Variants in ACAP2 observed in about 807,000 individuals in gnomAD.
ACAP2 encodes arf-GAP with coiled-coil, ANK repeat and PH domain-containing protein 2.
A neutral mutation model predicts 115.8 loss-of-function variants in ACAP2; 39 were observed. That is an observed-to-expected ratio of 0.34 (90% confidence interval 0.26 to 0.44). ACAP2 has a LOEUF of 0.44. Among genes scored for constraint, ACAP2 ranks in the 20% least tolerant of loss-of-function variants. The pLI, the probability that ACAP2 is intolerant of heterozygous loss-of-function variation, is 1.00. For missense variants in ACAP2, 662 were observed against 927.6 expected (o/e 0.71, Z 3.72); for synonymous variants, 289 against 315.8 (o/e 0.92, Z 0.90).
intron 10 of ACAP2, among the ~76,000 whole-genome samples, chr3:195,318,686 C>T (rs1273939309): frequency 6.6e-6 from 1 of 152,092 alleles, no homozygotes; most frequent in Non-Finnish European, 1.5e-5. Context: ...GAAAGTGTAC[C>T]ATTATATGCG....
In ACAP2 at chr3:195,306,901, CA is replaced by C. The variant is rs1728460851; in HGVS notation, c.1011-286del. On this transcript the variant is annotated intron_variant, in intron 12 of 22. Coordinates refer to ENST00000326793, the MANE Select transcript of ACAP2 (RefSeq NM_012287.6). ...TTTACCATATAAATATAGAAACACT[CA>C]TTTTTTTTTCTACTGGGTACAAACA... The C allele has an allele frequency of 1.1e-5, 3 of 281,856 alleles. No homozygotes were observed. The South Asian group carries it at 2.3e-4, about 21-fold the overall frequency. The allele number at this position is 281,856 out of a possible 1,614,324, so 17.5% of individuals were successfully genotyped here. A position where few individuals can be genotyped will look rare whatever the true frequency, so the allele number is the denominator to read the frequency against.
intron 11 of ACAP2, among the ~76,000 whole-genome samples, chr3:195,308,501 T>C (rs1006343887): frequency 2.6e-5 from 4 of 152,170 alleles, no homozygotes; most frequent in Non-Finnish European, 5.9e-5. Context: ...GTACAACTAA[T>C]ATATACCATT....
At chr3:195,406,197 C>T (rs1712754564) in intron 1 of ACAP2, among the ~76,000 whole-genome samples, 1 of 152,150 alleles carries the variant, frequency 6.6e-6, no homozygotes. Context: ...GCAATCACAT[C>T]AAGAATCAAG....
intron 9 of ACAP2, chr3:195,326,355 A>G (rs1161929341): frequency 1.3e-5 from 2 of 152,256 alleles, no homozygotes; most frequent in African/African-American, 4.8e-5. Context: ...TCTCATTTTT[A>G]AAAATATTTT....
rs754866221 is a variant in ACAP2, at chr3:195,342,486, G to A, written c.513C>T (p.Leu171=). 3.1e-5 allele frequency: 49 copies of A among 1,604,398 alleles called. 1 individual carries two copies. The Middle Eastern group carries it at 6.6e-4, about 22-fold the overall frequency. ...ATRKCFRHIA[L]DYVLQINVLQ... is the part of the protein sequence containing the mutation. ...AACTATATACCTGAAGCACATAATC[G>A]AGGGCTATGTGTCGGAAACATTTTC... Residue 171 remains leucine (L), a synonymous_variant, in exon 6 of 23, where the codon CTC becomes CTT. Coordinates refer to ENST00000326793, the MANE Select transcript of ACAP2 (RefSeq NM_012287.6).
chr3:195,295,098 G>A (rs1012645138), intron 17 of ACAP2: 10 of 562,308 alleles, frequency 1.8e-5, no homozygotes, highest in Non-Finnish European at 2.3e-5. Context: ...TGTAAGTAAC[G>A]TGTAATTCTG....
At chr3:195,397,878 G>C (rs747832862) in intron 1 of ACAP2, among the ~76,000 whole-genome samples, 3 of 152,146 alleles carry the variant, frequency 2.0e-5, no homozygotes, top group Non-Finnish European at 4.4e-5. Context: ...GCAGTAATAA[G>C]ATCATCACAT....
chr3:195,387,874 T>C (rs12496885), intron 2 of ACAP2, among the ~76,000 whole-genome samples: 3,343 of 152,350 alleles, frequency 0.022, 116 homozygotes, highest in East Asian at 0.1. Flanking sequence ...GTACTTTACA[T>C]GTATTATCTC....
chr3:195,416,658 T>C (rs183165564), intron 1 of ACAP2, among the ~76,000 whole-genome samples: 9 of 152,204 alleles, frequency 5.9e-5, no homozygotes, highest in African/African-American at 1.2e-4. Context: ...CAAAGAAAAA[T>C]AGGAAATGAA....
chr3:195,383,830 A>G (rs1734107437), intron 2 of ACAP2, among the ~76,000 whole-genome samples: 1 of 152,212 alleles, frequency 6.6e-6, no homozygotes, highest in South Asian at 2.1e-4. Context: ...ACATACATGC[A>G]GAGATAATTA....
intron 1 of ACAP2, among the ~76,000 whole-genome samples, chr3:195,434,690 T>C (rs1425689417): frequency 1.3e-5 from 2 of 152,252 alleles, no homozygotes; most frequent in East Asian, 1.9e-4. Context: ...CTTTGAACAC[T>C]TGATAGAATT....
chr3:195,372,439 G>C (rs752546745), intron 4 of ACAP2, among the ~76,000 whole-genome samples: 1 of 152,136 alleles, frequency 6.6e-6, no homozygotes, highest in African/African-American at 2.4e-5. Flanking sequence ...TCACGCCTCC[G>C]ACCTCAGCAC....
intron 21 of ACAP2, among the ~76,000 whole-genome samples, chr3:195,287,377 A>T (rs1726911799): frequency 6.6e-6 from 1 of 151,706 alleles, no homozygotes; most frequent in Non-Finnish European, 1.5e-5. Context: ...TTTTAATCTT[A>T]AAATTAATCA....
intron 9 of ACAP2, among the ~76,000 whole-genome samples, chr3:195,324,123 C>T (rs1729621643): frequency 6.6e-6 from 1 of 151,694 alleles, no homozygotes; most frequent in African/African-American, 2.4e-5. Context: ...AATTAGGCAA[C>T]CTGGTGGGAA....
At chr3:195,343,184 A>G (rs1166728640) in intron 5 of ACAP2, among the ~76,000 whole-genome samples, 1 of 152,218 alleles carries the variant, frequency 6.6e-6, no homozygotes, top group East Asian at 1.9e-4. Context: ...TGAGATGACA[A>G]TAAATTATCT....
intron 1 of ACAP2, among the ~76,000 whole-genome samples, chr3:195,429,218 T>C (rs766626009): frequency 7.2e-5 from 11 of 151,764 alleles, no homozygotes; most frequent in African/African-American, 2.7e-4. Context: ...TAAAACCCCA[T>C]CTCCGCTAAA....
intron 1 of ACAP2, among the ~76,000 whole-genome samples, chr3:195,403,840 T>G: frequency 6.6e-6 from 1 of 151,898 alleles, no homozygotes; most frequent in Non-Finnish European, 1.5e-5. Flanking sequence ...TGCACCTGAG[T>G]CTAGAGTTTA....
chr3:195,424,839 C>A (rs553425142), intron 1 of ACAP2, among the ~76,000 whole-genome samples: 41 of 145,576 alleles, frequency 2.8e-4, no homozygotes, highest in African/African-American at 1.0e-3. Flanking sequence ...ATCATTTGAG[C>A]CAAGAGGTCA....
chr3:195,349,602 A>T (rs73890791), intron 4 of ACAP2: 3,503 of 151,034 alleles, frequency 0.023, 136 homozygotes, highest in African/African-American at 0.081. Flanking sequence ...CAGAGAAATT[A>T]AAAAAAAAAA....
Sources: gnomAD v4.1 joint callset for allele counts (sites outside exome capture counted in the v4.1 genomes callset) on GRCh38, gnomAD v4.1.1 for gene constraint, MANE v1.5 for transcripts, NCBI Gene and HGNC (gene_info 2026-07-23, HGNC 2026-07-21) for gene names.